SETD2: variants seen among roughly 807,000 people sequenced by gnomAD.
SETD2 encodes SET domain containing 2, histone lysine methyltransferase, also known as histone-lysine N-methyltransferase SETD2.
Under a neutral mutation model 242.1 loss-of-function variants are expected in SETD2, and 31 were observed. The ratio of observed to expected loss-of-function variants is 0.13; its 90% CI spans 0.10 to 0.17. The LOEUF (loss-of-function observed/expected upper bound fraction) is 0.17. Among genes scored for constraint, SETD2 ranks in the 10% least tolerant of loss-of-function variants. SETD2 has a pLI of 1.00. For missense variants in SETD2, 2,481 were observed against 3,046.3 expected, an observed-to-expected ratio of 0.81 and a Z score of 4.37; for synonymous variants, 1,006 against 1,066.5, an observed-to-expected ratio of 0.94 and a Z score of 1.11.
intron 5 of SETD2, among the ~76,000 whole-genome samples, chr3:47,112,636 C>T (rs1336361909): frequency 6.6e-6 from 1 of 150,664 alleles, no homozygotes; most frequent in Non-Finnish European, 1.5e-5. Context: ...GTCTCCCAGG[C>T]TAGAGGGCAG....
chr3:47,039,552 A>C (rs2039178331), intron 17 of SETD2, among the ~76,000 whole-genome samples: 1 of 151,596 alleles, frequency 6.6e-6, no homozygotes, highest in African/African-American at 2.4e-5. Context: ...AGAATATTTA[A>C]AATTTGTTTT....
intron 5 of SETD2, among the ~76,000 whole-genome samples, chr3:47,112,209 G>A (rs2042682107): frequency 6.6e-6 from 1 of 151,318 alleles, no homozygotes; most frequent in Admixed American, 6.6e-5. Context: ...CTCCTCGTGG[G>A]TTCAAGCAAA....
intron 12 of SETD2, among the ~76,000 whole-genome samples, chr3:47,071,405 C>G (rs190373845): frequency 5.9e-5 from 9 of 152,166 alleles, no homozygotes; most frequent in Non-Finnish European, 1.3e-4. Flanking sequence ...AATGGACCAA[C>G]AAGTGAAATT....
Position 47,057,122 on chromosome 3 carries a change from G to A in SETD2, c.6662C>T (p.Pro2221Leu). The change falls in exon 15 of 21, where the codon CCA becomes CTA. Residue 2221 changes from proline to leucine, a missense_variant. Transcript: ENST00000409792. ...CACATGTGGCACCACTGGTACTGGT[G>A]GAGGGGCAGAAAGGGGTTCTGTAGA... The part of the protein sequence containing the change: ...GHSTEPLSAP[P>L]PVPVVPHVAA... The A allele has an allele frequency of 1.2e-6, 2 of 1,614,196 alleles. No homozygotes were observed. The highest frequency in any genetic ancestry group is 1.7e-6 in the Non-Finnish European group (2 of 1,180,022).
At chr3:47,127,603 T>G (rs746218313) in intron 1 of SETD2, 25 of 444,486 alleles carry the variant, frequency 5.6e-5, no homozygotes, top group Non-Finnish European at 4.5e-6. Context: ...GGCTCACGCC[T>G]GTAATCCCAG....
intron 18 of SETD2, among the ~76,000 whole-genome samples, chr3:47,032,953 T>C (rs1262176948): frequency 2.6e-5 from 4 of 152,116 alleles, no homozygotes; most frequent in African/African-American, 9.7e-5. Flanking sequence ...TGAATTGCTT[T>C]CCACAAGTAC....
chr3:47,133,911 G>A (rs1166029486), intron 1 of SETD2, among the ~76,000 whole-genome samples: 1 of 152,086 alleles, frequency 6.6e-6, no homozygotes, highest in Non-Finnish European at 1.5e-5. Context: ...CTCAAAGACA[G>A]GAAAACTGAT....
At chr3:47,092,501 T>C (rs2041845489) in intron 9 of SETD2, among the ~76,000 whole-genome samples, 1 of 149,096 alleles carries the variant, frequency 6.7e-6, no homozygotes. Context: ...ACTGAAAATT[T>C]ATATATATTA....
chr3:47,164,714 G>C (rs1267964837), upstream of SETD2: 1 of 152,274 alleles, frequency 6.6e-6, no homozygotes, highest in Non-Finnish European at 1.5e-5. This position sits in a 1 kb window ranked among gnomAD's most constrained non-coding sequence, Gnocchi z 5.4. Flanking sequence ...AAGCATGGAA[G>C]CCCAGCGAGG....
At chr3:47,057,538 C>A (rs2107578659) in intron 14 of SETD2, 48 bp from the exon 15 acceptor site, 1 of 1,382,470 alleles carries the variant, frequency 7.2e-7, no homozygotes, top group African/African-American at 1.4e-5. Flanking sequence ...AAATCATAGA[C>A]ACAATCAAAG....
At chr3:47,114,607 G>A (rs528454668) in intron 4 of SETD2, among the ~76,000 whole-genome samples, 9 of 152,194 alleles carry the variant, frequency 5.9e-5, no homozygotes, top group East Asian at 5.8e-4. Flanking sequence ...GGCTGAGTAC[G>A]GTGATTCATG....
chr3:47,083,633 C>A, intron 12 of SETD2, 87 bp downstream of exon 12: 1 of 1,262,690 alleles, frequency 7.9e-7, no homozygotes, highest in Non-Finnish European at 1.1e-6. Context: ...ATATGCATGG[C>A]TAAAAAAAGT....
chr3:47,119,887 TA>T, intron 3 of SETD2: 1 of 461,924 alleles, frequency 2.2e-6, no homozygotes, highest in Non-Finnish European at 4.1e-6. Flanking sequence ...CTTTCACATG[TA>T]AAAGGAATTA....
intron 10 of SETD2, 41 bp from the exon 11 acceptor site, chr3:47,086,355 G>A (rs767328741): frequency 6.3e-7 from 1 of 1,599,164 alleles, no homozygotes; most frequent in South Asian, 1.1e-5. Flanking sequence ...AGCATTGGGA[G>A]GCAATATCAG....
chr3:47,084,131 A>G lies in SETD2; in HGVS notation c.5649T>C (p.Ile1883=), dbSNP rs141881457. 2.6e-5 allele frequency: 42 copies of G among 1,613,966 alleles called. No individual in the cohort carries two copies. In the African/African-American group the frequency reaches 5.3e-4, roughly 21 times the overall value. ...PKKLMFRRLK[I]ISENSMDSAI... ...CACTGTCCATGCTATTTTCACTTAT[A>G]ATTTTCAGTCTGCGAAACATTAGTT... The change falls in exon 12 of 21, where the codon ATT becomes ATC. Residue 1883 remains isoleucine, a synonymous_variant. Coordinates refer to ENST00000409792, the MANE Select transcript of SETD2 (RefSeq NM_014159.7).
rs1041338408 is a variant in SETD2 at position 47,113,749 on chromosome 3, G to A, written c.4715+127C>T. 35 of 789,302 alleles carry A rather than the reference G, an allele frequency of 4.4e-5. No homozygotes were observed. In the African/African-American group the frequency reaches 5.8e-4, roughly 13 times the overall value. The allele number at this position is 789,302 out of a possible 1,614,324, so 48.9% of individuals were successfully genotyped here. A position where few individuals can be genotyped will look rare whatever the true frequency, so the allele number is the denominator to read the frequency against. On this transcript the variant is annotated intron_variant, in intron 5 of 20. Coordinates refer to ENST00000409792, the MANE Select transcript of SETD2 (RefSeq NM_014159.7). ...AGCTACTTGAGAGGCTAAGGCAGGA[G>A]AATTGCTTGAATCCGGGAGGTAGAG...
At chr3:47,045,562 G>A (rs868103269) in intron 16 of SETD2, among the ~76,000 whole-genome samples, 13 of 147,804 alleles carry the variant, frequency 8.8e-5, no homozygotes, top group Admixed American at 3.4e-4. Context: ...GCTGGGTGCA[G>A]TGATGCACAC....
intron 14 of SETD2, among the ~76,000 whole-genome samples, 166 bp from the exon 15 acceptor site, chr3:47,057,656 G>GA (rs1488245752): frequency 3.3e-5 from 5 of 152,174 alleles, no homozygotes; most frequent in African/African-American, 1.2e-4. Context: ...CTTGCACACA[G>GA]AACAGAATCC....
At chr3:47,136,494 T>C (rs777395809) in intron 1 of SETD2, among the ~76,000 whole-genome samples, 1 of 152,166 alleles carries the variant, frequency 6.6e-6, no homozygotes, top group Non-Finnish European at 1.5e-5. Context: ...CAGCAACATG[T>C]ATGGAGCTGG....
Sources: gnomAD v4.1 joint callset for allele counts (sites outside exome capture counted in the v4.1 genomes callset) on GRCh38, gnomAD v4.1.1 for gene constraint, Gnocchi (gnomAD v3.1) non-coding constraint, MANE v1.5 for transcripts, NCBI Gene and HGNC (gene_info 2026-07-23, HGNC 2026-07-21) for gene names.